MMP17: variants seen among roughly 807,000 people sequenced by gnomAD.
MMP17 encodes matrix metalloproteinase-17.
A neutral mutation model predicts 49.1 loss-of-function variants in MMP17; 54 were observed. The ratio of observed to expected loss-of-function variants is 1.10; its 90% CI spans 0.88 to 1.38. The LOEUF (loss-of-function observed/expected upper bound fraction) is 1.38. MMP17 is among the 40% of genes most tolerant of loss of function. The pLI is 0.00. For missense variants in MMP17, 837 were observed against 853.7 expected (o/e 0.98, Z 0.24); for synonymous variants, 397 against 383.1 (o/e 1.04, Z -0.42).
chr12:131,844,239 C>A (rs1887576744), intron 6 of MMP17, 158 bp downstream of exon 6: 4 of 649,352 alleles, frequency 6.2e-6, no homozygotes, highest in Non-Finnish European at 1.1e-5. Context: ...TCTTAAACCC[C>A]ATCTAATACC....
At chr12:131,849,530 G>A (rs559388173) in intron 8 of MMP17, among the ~76,000 whole-genome samples, 5 of 152,306 alleles carry the variant, frequency 3.3e-5, no homozygotes, top group South Asian at 4.1e-4. Flanking sequence ...CGTGGGCCTC[G>A]GTTTGGCCCG....
rs1886617286 is a variant in MMP17 at position 131,828,438 on chromosome 12, A to C, written c.-57A>C. 2.1e-6 allele frequency: 2 copies of C among 956,384 alleles called. No homozygotes were observed. Among genetic ancestry groups the C allele is most frequent in the Non-Finnish European group, 2.5e-6 (2 of 803,432 alleles). 59.2% of individuals were successfully genotyped at this position (956,384 alleles called of 1,614,324 possible). A position where few individuals can be genotyped will look rare whatever the true frequency, so the allele number is the denominator to read the frequency against. ...GAGAGCGGAGGGCGCCGGGCTGCGG[A>C]ACGCGAAGCGGAGGGCGCGGGACCC... On this transcript the variant is annotated 5_prime_UTR_variant, in exon 1 of 10. Coordinates refer to ENST00000360564, the MANE Select transcript of MMP17 (RefSeq NM_016155.7).
chr12:131,841,299 T>C (rs570144259), intron 4 of MMP17, among the ~76,000 whole-genome samples: 2 of 152,288 alleles, frequency 1.3e-5, no homozygotes, highest in South Asian at 2.1e-4. Flanking sequence ...CCCACAGCAT[T>C]GGGCCTCAGG....
chr12:131,836,836 A>G lies in MMP17; in HGVS notation c.160-1359A>G, dbSNP rs116833556. Among the ~76,000 whole-genome samples, 400 of 152,278 alleles carry G rather than the reference A, an allele frequency of 2.6e-3. 3 individuals are homozygous for G. Among genetic ancestry groups the G allele is most frequent in the African/African-American group, 9.3e-3 (388 of 41,570 alleles). On this transcript the variant is annotated intron_variant, in intron 1 of 9. Transcript: ENST00000360564. ...TTCATGGCAGCCTGCAAGTGGGCAC[A>G]GGCGCCATTTGGCGGTTGAAGAAAC...
chr12:131,846,963 G>A lies in MMP17; in HGVS notation c.1204+1514G>A, dbSNP rs553284078. On this transcript the variant is annotated intron_variant, in intron 8 of 9. Transcript: ENST00000360564. The surrounding 1 kb of genome is among the most constrained non-coding windows in gnomAD (Gnocchi z 4.6). The stretch of plus-strand genomic sequence containing the variant: ...TGGGAGCCCTCCGGTGACTGTTCCC[G>A]GAGGCCTGATCCCTCCTGAAGGGAC... Among the ~76,000 whole-genome samples the A allele has an allele frequency of 2.4e-4, 36 of 152,134 alleles. No individual in the cohort carries two copies. The highest frequency in any genetic ancestry group is 7.0e-4 in the African/African-American group (29 of 41,520).
chr12:131,829,082 G>A (rs1886661051), intron 1 of MMP17, among the ~76,000 whole-genome samples: 1 of 152,206 alleles, frequency 6.6e-6, no homozygotes, highest in South Asian at 2.1e-4. Flanking sequence ...CCCACAAAGC[G>A]AGGAAGGGCA....
intron 6 of MMP17, 125 bp downstream of exon 6, chr12:131,844,206 GC>G: frequency 2.6e-6 from 2 of 767,412 alleles, no homozygotes; most frequent in Non-Finnish European, 4.3e-6. Context: ...GGCCGACTGA[GC>G]CCCCAGTGAC....
intron 1 of MMP17, among the ~76,000 whole-genome samples, chr12:131,834,226 G>C (rs1327226465): frequency 6.6e-6 from 1 of 152,210 alleles, no homozygotes; most frequent in Non-Finnish European, 1.5e-5. Flanking sequence ...CATCAGCCAG[G>C]GGGTGGCTGC....
chr12:131,845,324 A>G lies in MMP17; in HGVS notation c.1079A>G (p.Asp360Gly). ...KGKYFWRLTR[D>G]RHLVSLQPAQ... ...AAGTACTTCTGGCGGCTGACGCGGG[A>G]CCGGCACCTGGTGTCCCTGCAGCCG... The change falls in exon 8 of 10, where the codon GAC becomes GGC. Residue 360 changes from aspartate (D) to glycine (G), a missense_variant. Coordinates refer to ENST00000360564, the MANE Select transcript of MMP17 (RefSeq NM_016155.7). 6.2e-7 allele frequency: 1 copy of G among 1,605,944 alleles called. No individual in the cohort carries two copies. The highest frequency in any genetic ancestry group is 8.5e-7 in the Non-Finnish European group (1 of 1,175,488).
chr12:131,841,117 G>C (rs1379862113), intron 4 of MMP17, among the ~76,000 whole-genome samples: 1 of 152,240 alleles, frequency 6.6e-6, no homozygotes, highest in Non-Finnish European at 1.5e-5. Context: ...GCACCTGACA[G>C]AGCAGGAGGC....
At chr12:131,834,776 AC>A (rs1886994548) in intron 1 of MMP17, among the ~76,000 whole-genome samples, 1 of 151,888 alleles carries the variant, frequency 6.6e-6, no homozygotes, top group South Asian at 2.1e-4. Flanking sequence ...TGCCACCACC[AC>A]CACCCCATTA....
intron 1 of MMP17, among the ~76,000 whole-genome samples, chr12:131,836,379 T>C (rs1887085143): frequency 6.6e-6 from 1 of 152,018 alleles, no homozygotes; most frequent in Non-Finnish European, 1.5e-5. Context: ...GCAGGAGGGT[T>C]GGCCAGGACC....
intron 1 of MMP17, among the ~76,000 whole-genome samples, chr12:131,834,812 T>A (rs935168990): frequency 6.6e-5 from 10 of 152,004 alleles, no homozygotes; most frequent in African/African-American, 2.2e-4. Flanking sequence ...TTCCAAGCCC[T>A]AGCCAGGAAT....
intron 3 of MMP17, among the ~76,000 whole-genome samples, chr12:131,839,378 T>G (rs942015554): frequency 6.6e-6 from 1 of 151,956 alleles, no homozygotes; most frequent in African/African-American, 2.4e-5. Flanking sequence ...AGTGGCGCAG[T>G]CACAGCTCAC....
chr12:131,847,280 G>A (rs1887757681), intron 8 of MMP17, among the ~76,000 whole-genome samples: 1 of 151,808 alleles, frequency 6.6e-6, no homozygotes, highest in Admixed American at 6.6e-5. Flanking sequence ...GGGCGTGGTG[G>A]CGGGCACCTG....
chr12:131,844,562 T>C, intron 6 of MMP17: 1 of 228,704 alleles, frequency 4.4e-6, no homozygotes, highest in Non-Finnish European at 8.6e-6. Context: ...GAAGTTGTCT[T>C]GAGAGCTGGT....
intron 8 of MMP17, 48 bp downstream of exon 8, chr12:131,845,497 C>T (rs556656006): frequency 2.2e-5 from 34 of 1,522,652 alleles, no homozygotes; most frequent in Admixed American, 1.9e-4. Context: ...GCCCTCTGTC[C>T]GCCTCATGGA....
Position 131,849,998 on chromosome 12 carries a change from C to T in MMP17, c.1401C>T (p.Ala467=), listed in dbSNP as rs1887892933. Residue 467 remains alanine, a synonymous_variant, in exon 9 of 10, where the codon GCC becomes GCT. Transcript: ENST00000360564. ...GGCACATGGACCCCGGCTACCCCGC[C>T]CAGAGCCCCCTGTGGAGGGGTGTCC... ...HTRHMDPGYP[A]QSPLWRGVPS... is the part of the protein sequence containing the mutation. 6.2e-7 allele frequency: 1 copy of T among 1,613,536 alleles called. No individual in the cohort carries two copies. Among genetic ancestry groups the T allele is most frequent in the African/African-American group, 1.3e-5 (1 of 74,942 alleles).
intron 5 of MMP17, among the ~76,000 whole-genome samples, chr12:131,842,350 G>A (rs1005549060): frequency 1.3e-5 from 2 of 152,064 alleles, no homozygotes; most frequent in African/African-American, 2.4e-5. Flanking sequence ...CCTCCACACC[G>A]CCCACCACAC....
Sources: gnomAD v4.1 joint callset for allele counts (sites outside exome capture counted in the v4.1 genomes callset) on GRCh38, gnomAD v4.1.1 for gene constraint, Gnocchi (gnomAD v3.1) non-coding constraint, MANE v1.5 for transcripts, NCBI Gene and HGNC (gene_info 2026-07-23, HGNC 2026-07-21) for gene names.